RAB10: variants seen among roughly 807,000 people sequenced by gnomAD.
RAB10 encodes the protein RAB10, member RAS oncogene family.
Under a neutral mutation model 25.7 loss-of-function variants are expected in RAB10, and 5 were observed. That is an observed-to-expected ratio of 0.19 (90% confidence interval 0.10 to 0.41). The LOEUF is 0.41. Among genes scored for constraint, RAB10 ranks in the 10% least tolerant of loss-of-function variants. The probability of loss-of-function intolerance (pLI) is 1.00; values close to 1 mark genes in which losing one functional copy is unlikely to be tolerated. For missense variants in RAB10, 103 were observed against 245.8 expected, an observed-to-expected ratio of 0.42 and a Z score of 3.89; for synonymous variants, 89 against 86.4, an observed-to-expected ratio of 1.03 and a Z score of -0.16.
At chr2:26,063,161 A>G (rs1574533936) in intron 1 of RAB10, among the ~76,000 whole-genome samples, 2 of 152,036 alleles carry the variant, frequency 1.3e-5, no homozygotes, top group Admixed American at 6.6e-5. Flanking sequence ...TTAAAATCTA[A>G]TGGTCAATCT....
At chr2:26,102,334 G>T (rs1667358768) in intron 2 of RAB10, among the ~76,000 whole-genome samples, 1 of 151,726 alleles carries the variant, frequency 6.6e-6, no homozygotes, top group Admixed American at 6.6e-5. Context: ...AATACTGGTA[G>T]AATGAAAGAA....
chr2:26,102,460 A>G (rs889105235), intron 2 of RAB10, among the ~76,000 whole-genome samples: 14 of 126,116 alleles, frequency 1.1e-4, no homozygotes, highest in Admixed American at 2.7e-4. Context: ...TTTTTTTGAG[A>G]CGGAGTCTCG....
chr2:26,103,610 A>T (rs768035922), intron 2 of RAB10, among the ~76,000 whole-genome samples: 1 of 152,192 alleles, frequency 6.6e-6, no homozygotes, highest in African/African-American at 2.4e-5. Flanking sequence ...CATAATTCAC[A>T]TACCATACAA....
intron 1 of RAB10, among the ~76,000 whole-genome samples, chr2:26,081,455 G>T (rs1031602363): frequency 8.5e-5 from 13 of 152,196 alleles, no homozygotes; most frequent in Non-Finnish European, 1.8e-4. Context: ...GGTCATGAAA[G>T]AAAGGGAAAG....
At chr2:26,038,571 A>G (rs1559575166) in intron 1 of RAB10, among the ~76,000 whole-genome samples, 1 of 152,204 alleles carries the variant, frequency 6.6e-6, no homozygotes, top group African/African-American at 2.4e-5. Flanking sequence ...AGTTGAGAAA[A>G]TAAATGATTC....
chr2:26,084,669 A>G (rs1666939593), intron 1 of RAB10, among the ~76,000 whole-genome samples: 1 of 152,046 alleles, frequency 6.6e-6, no homozygotes, highest in African/African-American at 2.4e-5. Context: ...TGGCCAAGGG[A>G]AGTTTATAAG....
chr2:26,050,631 T>C (rs1351416933), intron 1 of RAB10, among the ~76,000 whole-genome samples: 1 of 152,060 alleles, frequency 6.6e-6, no homozygotes, highest in African/African-American at 2.4e-5. Context: ...AGTTTTTTCT[T>C]GTCTATTCCT....
chr2:26,049,628 C>T (rs766012113), intron 1 of RAB10, among the ~76,000 whole-genome samples: 1 of 151,934 alleles, frequency 6.6e-6, no homozygotes, highest in African/African-American at 2.4e-5. Flanking sequence ...AGGCTGGTCT[C>T]GAAATTCTGA....
intron 3 of RAB10, among the ~76,000 whole-genome samples, chr2:26,110,715 G>C (rs1470767918): frequency 6.6e-6 from 1 of 151,844 alleles, no homozygotes; most frequent in Non-Finnish European, 1.5e-5. Flanking sequence ...CTGTATTTTG[G>C]GTTTTTTTGA....
chr2:26,033,902 C>T (rs113160161), upstream of RAB10, among the ~76,000 whole-genome samples: 2 of 152,214 alleles, frequency 1.3e-5, no homozygotes, highest in Non-Finnish European at 2.9e-5. Context: ...GGAGCGCGCC[C>T]GCGGCCTCGC....
At chr2:26,078,536 A>G (rs1036897635) in intron 1 of RAB10, among the ~76,000 whole-genome samples, 1 of 152,152 alleles carries the variant, frequency 6.6e-6, no homozygotes, top group African/African-American at 2.4e-5. Context: ...CTGATTTTTG[A>G]CAGGTATTTA....
At chr2:26,090,256 G>A (rs1270021002) in intron 1 of RAB10, among the ~76,000 whole-genome samples, 1 of 152,148 alleles carries the variant, frequency 6.6e-6, no homozygotes, top group Non-Finnish European at 1.5e-5. Flanking sequence ...CTGGATATAG[G>A]TTGAAAGTAT....
chr2:26,050,300 T>TA (rs1220353971), intron 1 of RAB10, among the ~76,000 whole-genome samples: 1 of 152,224 alleles, frequency 6.6e-6, no homozygotes, highest in African/African-American at 2.4e-5. Flanking sequence ...TTGAAAACAT[T>TA]ACTCCATTGT....
intron 1 of RAB10, among the ~76,000 whole-genome samples, 175 bp downstream of exon 1, chr2:26,034,910 G>A (rs1665731202): frequency 6.6e-6 from 1 of 152,178 alleles, no homozygotes; most frequent in African/African-American, 2.4e-5. Context: ...GTCTTCCCAT[G>A]ATTTCCATCC....
chr2:26,045,494 C>G (rs916278164), intron 1 of RAB10, among the ~76,000 whole-genome samples: 59 of 152,278 alleles, frequency 3.9e-4, no homozygotes, highest in African/African-American at 1.4e-3. Context: ...CCGCCTCTGC[C>G]TCCCAAAGTG....
intron 1 of RAB10, among the ~76,000 whole-genome samples, chr2:26,097,640 T>A (rs1278285084): frequency 6.6e-6 from 1 of 152,206 alleles, no homozygotes; most frequent in Non-Finnish European, 1.5e-5. Context: ...TCTTGATACA[T>A]ACTCAGTCTG....
intron 3 of RAB10, among the ~76,000 whole-genome samples, chr2:26,117,335 G>A (rs1176291783): frequency 6.6e-6 from 1 of 151,850 alleles, no homozygotes; most frequent in Non-Finnish European, 1.5e-5. Context: ...GGGAAGGTCC[G>A]GGTGCGGGGG....
intron 1 of RAB10, among the ~76,000 whole-genome samples, chr2:26,037,578 G>A (rs535487046): frequency 3.3e-5 from 5 of 152,160 alleles, no homozygotes; most frequent in South Asian, 2.1e-4. Context: ...GACAGAGGTT[G>A]TGGTGAGCCG....
intron 1 of RAB10, among the ~76,000 whole-genome samples, chr2:26,049,673 C>T (rs1232060479): frequency 6.6e-6 from 1 of 152,154 alleles, no homozygotes; most frequent in Non-Finnish European, 1.5e-5. Context: ...TCTGGGATTA[C>T]AGGCATAAGC....
Sources: allele counts gnomAD v4.1 joint callset (sites outside exome capture counted in the v4.1 genomes callset), GRCh38; gene constraint gnomAD v4.1.1; transcripts MANE v1.5; gene names NCBI Gene and HGNC (gene_info 2026-07-23, HGNC 2026-07-21).